PRELID2: variants seen among roughly 807,000 people sequenced by gnomAD.
PRELID2 encodes the protein PRELI domain containing 2, also known as PRELI domain-containing protein 2.
A neutral mutation model predicts 28.4 loss-of-function variants in PRELID2; 25 were observed. That is an observed-to-expected ratio of 0.88 (90% CI 0.64 to 1.23). The LOEUF is 1.23. PRELID2 is among the 50% of genes most tolerant of loss of function. The pLI, the probability that PRELID2 is intolerant of heterozygous loss-of-function variation, is 0.00. For missense variants in PRELID2, 201 were observed against 214.4 expected (o/e 0.94, Z 0.39); for synonymous variants, 76 against 71.6 (o/e 1.06, Z -0.31).
At chr5:145,477,474 T>A (rs918462764) in intron 1 of PRELID2, among the ~76,000 whole-genome samples, 8 of 152,158 alleles carry the variant, frequency 5.3e-5, no homozygotes, top group African/African-American at 1.7e-4. Flanking sequence ...TTGGCCCTGA[T>A]TCATATGATT....
At chr5:145,831,082 A>C (rs1431875859) in intron 1 of PRELID2, among the ~76,000 whole-genome samples, 1 of 152,228 alleles carries the variant, frequency 6.6e-6, no homozygotes, top group South Asian at 2.1e-4. Context: ...TGAAAGAAAA[A>C]TAAAAGTGTA....
chr5:145,557,959 A>T (rs1359278522), intron 1 of PRELID2, among the ~76,000 whole-genome samples: 1 of 152,228 alleles, frequency 6.6e-6, no homozygotes, highest in Non-Finnish European at 1.5e-5. Flanking sequence ...CTGTGAGAAC[A>T]AAAGTAAGAT....
the PRELID2 span, chr5:145,229,929 G>C: frequency 2.3e-5 from 17 of 750,984 alleles, no homozygotes; most frequent in Non-Finnish European, 4.0e-5. Context: ...TCTCTACAAT[G>C]AGGAGCTGAT....
At chr5:145,771,212 A>G (rs1758083868) in intron 5 of PRELID2, among the ~76,000 whole-genome samples, 1 of 152,102 alleles carries the variant, frequency 6.6e-6, no homozygotes, top group African/African-American at 2.4e-5. Context: ...TTGTGTTACA[A>G]TTGCCTACAG....
the PRELID2 span, among the ~76,000 whole-genome samples, chr5:145,278,226 G>A: frequency 1.3e-5 from 2 of 152,040 alleles, no homozygotes; most frequent in African/African-American, 4.8e-5. Flanking sequence ...CACAAACCTG[G>A]TGCATTAGTT....
chr5:145,819,659 A>G, intron 3 of PRELID2: 1 of 569,738 alleles, frequency 1.8e-6, no homozygotes. Context: ...TCATGAACAG[A>G]TTAGATAGTC....
At chr5:145,365,574 C>G in the PRELID2 span, among the ~76,000 whole-genome samples, 1 of 151,942 alleles carries the variant, frequency 6.6e-6, no homozygotes, top group Non-Finnish European at 1.5e-5. Flanking sequence ...AAAGAGCATT[C>G]ACTGTGCTTG....
the PRELID2 span, among the ~76,000 whole-genome samples, chr5:145,411,067 A>T: frequency 6.6e-6 from 1 of 152,186 alleles, no homozygotes; most frequent in East Asian, 1.9e-4. Context: ...CTAACAGGTC[A>T]GTCATTGTAT....
chr5:145,497,289 A>T (rs1200825372), intron 1 of PRELID2, among the ~76,000 whole-genome samples: 1 of 152,212 alleles, frequency 6.6e-6, no homozygotes, highest in African/African-American at 2.4e-5. Context: ...TTTTCAAAAT[A>T]TAAATCAGAT....
chr5:145,536,211 C>T (rs1221275279), intron 1 of PRELID2, among the ~76,000 whole-genome samples: 6 of 151,884 alleles, frequency 4.0e-5, no homozygotes, highest in Non-Finnish European at 8.8e-5. Context: ...ATTGCTGATG[C>T]ATGCTTTATC....
the PRELID2 span, among the ~76,000 whole-genome samples, chr5:145,392,103 ATC>A: frequency 6.6e-6 from 1 of 152,152 alleles, no homozygotes; most frequent in African/African-American, 2.4e-5. Flanking sequence ...ATTTTCAGGT[ATC>A]TTTATAGCAG....
At chr5:145,503,262 T>TA (rs1752375733) in intron 1 of PRELID2, among the ~76,000 whole-genome samples, 2 of 152,110 alleles carry the variant, frequency 1.3e-5, no homozygotes, top group South Asian at 4.1e-4. Context: ...GCTATTCTAA[T>TA]CCTCTGAGCA....
At chr5:145,240,434 T>C in the PRELID2 span, among the ~76,000 whole-genome samples, 1 of 151,982 alleles carries the variant, frequency 6.6e-6, no homozygotes, top group African/African-American at 2.4e-5. Context: ...ATATATACAA[T>C]ATTTTGTAAT....
At chr5:145,654,790 T>G (rs1754363884) in intron 1 of PRELID2, among the ~76,000 whole-genome samples, 2 of 152,076 alleles carry the variant, frequency 1.3e-5, no homozygotes, top group African/African-American at 4.8e-5. Context: ...ACAGCCAATA[T>G]CATACTGAAT....
At chr5:145,385,110 G>A in the PRELID2 span, among the ~76,000 whole-genome samples, 1 of 152,130 alleles carries the variant, frequency 6.6e-6, no homozygotes, top group African/African-American at 2.4e-5. Context: ...GTGTATATAT[G>A]TATCAAAACT....
chr5:145,788,877 T>C (rs576524068), intron 5 of PRELID2, among the ~76,000 whole-genome samples: 2 of 152,042 alleles, frequency 1.3e-5, no homozygotes, highest in Non-Finnish European at 2.9e-5. Context: ...CAACAGACTA[T>C]CCGAAAAAAT....
At chr5:145,761,934 T>C (rs1009437405) in intron 6 of PRELID2, among the ~76,000 whole-genome samples, 1 of 152,034 alleles carries the variant, frequency 6.6e-6, no homozygotes, top group African/African-American at 2.4e-5. Flanking sequence ...TCCATTAACA[T>C]AGGCATATTT....
At chr5:145,446,440 G>A in the PRELID2 span, among the ~76,000 whole-genome samples, 4 of 152,048 alleles carry the variant, frequency 2.6e-5, no homozygotes, top group Non-Finnish European at 5.9e-5. Flanking sequence ...ACTGAAATAT[G>A]AGAAAGAGCT....
chr5:145,501,941 G>A lies in PRELID2; in HGVS notation n.71-28626C>T, dbSNP rs145599209. ...GTCCTCTATGTATTGCTGATTCTGCGTCTGTATTAATCTCTCTCACTCTCT... is the reference window on the plus strand; with the variant it reads ...GTCCTCTATGTATTGCTGATTCTGCATCTGTATTAATCTCTCTCACTCTCT... On this transcript the variant is annotated intron_variant and non_coding_transcript_variant, in intron 1 of 2. Transcript: ENST00000510259. Among the ~76,000 whole-genome samples, 66 of 152,192 alleles carry A rather than the reference G, an allele frequency of 4.3e-4. No individual in the cohort carries two copies. The Middle Eastern group carries it at 0.01, about 24-fold the overall frequency.
Sources: gnomAD v4.1 joint callset for allele counts (sites outside exome capture counted in the v4.1 genomes callset) on GRCh38, gnomAD v4.1.1 for gene constraint, MANE v1.5 for transcripts, NCBI Gene and HGNC (gene_info 2026-07-23, HGNC 2026-07-21) for gene names.